FAF1: variants seen among roughly 807,000 people sequenced by gnomAD.
FAF1 encodes the protein Fas associated factor 1.
Under a neutral mutation model 92.5 loss-of-function variants are expected in FAF1, and 25 were observed. The observed-to-expected ratio is 0.27, with a 90% CI of 0.20 to 0.38. FAF1 has a LOEUF of 0.38. Ranked by LOEUF, FAF1 falls within the 10% of genes least tolerant of loss-of-function variation. The pLI is 1.00. For missense variants in FAF1, 636 were observed against 793.3 expected (o/e 0.80, Z 2.38); for synonymous variants, 234 against 273.2 (o/e 0.86, Z 1.42).
chr1:50,950,791 T>A (rs1281480406), intron 1 of FAF1, among the ~76,000 whole-genome samples: 1 of 152,202 alleles, frequency 6.6e-6, no homozygotes, highest in Admixed American at 6.5e-5. Flanking sequence ...GAAGATCTAC[T>A]ACATGACAGC....
chr1:50,488,651 G>A (rs1414319670), intron 17 of FAF1, among the ~76,000 whole-genome samples: 1 of 152,144 alleles, frequency 6.6e-6, no homozygotes, highest in Non-Finnish European at 1.5e-5. Context: ...ATAGGGTTTT[G>A]TACTGGAATG....
chr1:50,471,321 T>C (rs1646568928), intron 18 of FAF1, among the ~76,000 whole-genome samples: 1 of 152,180 alleles, frequency 6.6e-6, no homozygotes, highest in South Asian at 2.1e-4. Flanking sequence ...CTTAGCATAA[T>C]AAAAGTGGAT....
intron 7 of FAF1, 150 bp from the exon 8 acceptor site, chr1:50,655,678 T>G: frequency 1.8e-6 from 1 of 541,256 alleles, no homozygotes; most frequent in Non-Finnish European, 3.1e-6. Flanking sequence ...TCAAAAAATT[T>G]TGTAAAAAAG....
At chr1:50,455,993 T>C (rs998977213) in intron 18 of FAF1, among the ~76,000 whole-genome samples, 1 of 152,064 alleles carries the variant, frequency 6.6e-6, no homozygotes, top group African/African-American at 2.4e-5. Flanking sequence ...GAGAATCGCT[T>C]GAGCCTGGGA....
At chr1:50,791,668 C>G (rs1329159093) in intron 3 of FAF1, among the ~76,000 whole-genome samples, 2 of 152,206 alleles carry the variant, frequency 1.3e-5, no homozygotes, top group Non-Finnish European at 2.9e-5. Flanking sequence ...TGATCCCCAG[C>G]TTCATGAGTC....
rs148088306 is a variant in FAF1 at position 50,813,636 on chromosome 1, A to AT, written c.115-11960dup. ...CCACCATGCCCAACTAATTTTAAAA[A>AT]TTTTTTTGTAGAGACGGAGTTTCAC... On this transcript the variant is annotated intron_variant, in intron 2 of 18. Coordinates refer to ENST00000396153, the MANE Select transcript of FAF1 (RefSeq NM_007051.3). Among the ~76,000 whole-genome samples, 1,163 of 152,064 alleles carry AT rather than the reference A, an allele frequency of 7.6e-3. 13 individuals carry two copies. Among genetic ancestry groups the AT allele is most frequent in the African/African-American group, 0.027 (1,123 of 41,486 alleles).
chr1:50,605,820 G>C (rs942170009), intron 8 of FAF1, among the ~76,000 whole-genome samples: 1 of 152,156 alleles, frequency 6.6e-6, no homozygotes, highest in African/African-American at 2.4e-5. Flanking sequence ...TGATAATTTA[G>C]AACTATTTGT....
chr1:50,809,159 A>G (rs959803622), intron 2 of FAF1, among the ~76,000 whole-genome samples: 16 of 152,172 alleles, frequency 1.1e-4, no homozygotes, highest in Admixed American at 1.3e-4. Flanking sequence ...GAACACCCAC[A>G]GCAAAAAGTT....
At chr1:50,459,978 C>T (rs952431195) in intron 18 of FAF1, among the ~76,000 whole-genome samples, 2 of 152,120 alleles carry the variant, frequency 1.3e-5, no homozygotes, top group Non-Finnish European at 2.9e-5. Flanking sequence ...AATTAGTGGA[C>T]GTATAGTAGT....
At chr1:50,720,853 C>T (rs1658378735) in intron 6 of FAF1, among the ~76,000 whole-genome samples, 1 of 152,160 alleles carries the variant, frequency 6.6e-6, no homozygotes, top group South Asian at 2.1e-4. Flanking sequence ...AACCTTTATT[C>T]ACCATACATT....
chr1:50,846,453 C>T (rs1489368190), intron 2 of FAF1: 3 of 449,702 alleles, frequency 6.7e-6, no homozygotes, highest in Non-Finnish European at 1.3e-5. Flanking sequence ...GAGCCGCACG[C>T]ATCGAGCCTC....
At chr1:50,670,127 GAAAAAA>G (rs1008153553) in intron 7 of FAF1, among the ~76,000 whole-genome samples, 2 of 74,728 alleles carry the variant, frequency 2.7e-5, no homozygotes, top group Admixed American at 1.6e-4. Flanking sequence ...GTCTCAAAAA[GAAAAAA>G]AAAAAAAAAA....
At chr1:50,898,987 T>G (rs1171975651) in intron 1 of FAF1, among the ~76,000 whole-genome samples, 1 of 152,176 alleles carries the variant, frequency 6.6e-6, no homozygotes, top group Non-Finnish European at 1.5e-5. Context: ...CAATTACACG[T>G]TTTTTAGACT....
chr1:50,753,236 T>G (rs1425295201), intron 4 of FAF1, among the ~76,000 whole-genome samples: 2 of 152,224 alleles, frequency 1.3e-5, no homozygotes, highest in African/African-American at 4.8e-5. Context: ...GTGCCTTAGT[T>G]TGAATTTTCT....
chr1:50,898,992 T>C (rs1465578474), intron 1 of FAF1, among the ~76,000 whole-genome samples: 4 of 152,194 alleles, frequency 2.6e-5, no homozygotes, highest in Non-Finnish European at 5.9e-5. Flanking sequence ...ACACGTTTTT[T>C]AGACTGCTTG....
intron 6 of FAF1, among the ~76,000 whole-genome samples, chr1:50,724,105 T>C (rs1052070287): frequency 6.6e-6 from 1 of 151,934 alleles, no homozygotes; most frequent in Non-Finnish European, 1.5e-5. Context: ...GGCACATGCC[T>C]GTAGTTAGTC....
chr1:50,782,997 TC>T (rs1661234211), intron 4 of FAF1, among the ~76,000 whole-genome samples: 1 of 151,596 alleles, frequency 6.6e-6, no homozygotes, highest in Non-Finnish European at 1.5e-5. Flanking sequence ...TTTTTAAAGA[TC>T]AACCAAGTTC....
intron 1 of FAF1, among the ~76,000 whole-genome samples, chr1:50,889,887 G>C (rs1180707650): frequency 2.0e-5 from 3 of 152,222 alleles, no homozygotes; most frequent in Non-Finnish European, 4.4e-5. Context: ...AGGTCCGCTT[G>C]ATGCAGAGCT....
At chr1:50,835,997 G>T (rs1644197687) in intron 2 of FAF1, among the ~76,000 whole-genome samples, 1 of 152,068 alleles carries the variant, frequency 6.6e-6, no homozygotes, top group South Asian at 2.1e-4. Context: ...CACAAAAGTA[G>T]CTGGCTATGA....
Sources: gnomAD v4.1 joint callset for allele counts (sites outside exome capture counted in the v4.1 genomes callset) on GRCh38, gnomAD v4.1.1 for gene constraint, MANE v1.5 for transcripts, NCBI Gene and HGNC (gene_info 2026-07-23, HGNC 2026-07-21) for gene names.